Variants in PNPLA6 observed in about 807,000 individuals in gnomAD.
PNPLA6 encodes the protein patatin like domain 6, lysophospholipase, also known as patatin-like phospholipase domain-containing protein 6.
In PNPLA6, 105 loss-of-function variants were observed where a neutral mutation model predicts 153.7. The ratio of observed to expected loss-of-function variants is 0.68; its 90% CI spans 0.58 to 0.80. The LOEUF (loss-of-function observed/expected upper bound fraction) is 0.80, where lower values mean the gene tolerates loss of function less well. Ranked by LOEUF, PNPLA6 falls within the 30% of genes least tolerant of loss-of-function variation. The pLI is 0.00. For missense variants in PNPLA6, 1,423 were observed against 1,919.3 expected (o/e 0.74, Z 4.83); for synonymous variants, 825 against 822.2 (o/e 1.00, Z -0.06).
Position 7,555,648 on chromosome 19 carries a change from C to CG in PNPLA6, c.2983dup (p.Val995GlyfsTer63). On this transcript the variant is annotated frameshift_variant, in exon 24 of 32. Coordinates refer to ENST00000600737, the MANE Select transcript of PNPLA6 (RefSeq NM_001166114.2). LOFTEE classifies it high-confidence loss of function. The surrounding 1 kb of genome is among the most constrained non-coding windows in gnomAD (Gnocchi z 6.3). ...GGAGTACTAAAGGCATTAGAGGAGG[C>CG]GGGGGTCCCCGTGGACCTGGTGGGC... is the stretch of plus-strand genomic sequence containing the variant. 6.2e-7 allele frequency: 1 copy of CG among 1,612,886 alleles called. No individual in the cohort carries two copies. The highest frequency in any genetic ancestry group is 8.5e-7 in the Non-Finnish European group (1 of 1,179,796).
intron 28 of PNPLA6, among the ~76,000 whole-genome samples, chr19:7,560,186 A>T (rs191560909): frequency 1.2e-3 from 179 of 152,226 alleles, no homozygotes; most frequent in African/African-American, 3.6e-3. Context: ...AATAATAAAA[A>T]TTTTTTTAAA....
upstream of PNPLA6, chr19:7,535,701 C>A: frequency 2.0e-6 from 3 of 1,524,076 alleles, no homozygotes; most frequent in Non-Finnish European, 2.6e-6. This position sits in a 1 kb window ranked among gnomAD's most constrained non-coding sequence, Gnocchi z 5.0. Context: ...TCGGGCGGAA[C>A]TACGTTTCCC....
At chr19:7,557,577 A>G (rs992078989) in intron 27 of PNPLA6, 35 of 430,936 alleles carry the variant, frequency 8.1e-5, no homozygotes, top group African/African-American at 6.9e-4. Context: ...TGAGGTCAGG[A>G]GTTTGAGACC....
upstream of PNPLA6, chr19:7,535,618 G>A (rs74956393): frequency 8.4e-3 from 13,301 of 1,588,028 alleles, 1,063 homozygotes; most frequent in Admixed American, 0.17. This position sits in a 1 kb window ranked among gnomAD's most constrained non-coding sequence, Gnocchi z 5.0. Flanking sequence ...CCGGCGTGGG[G>A]CGCCAAGAGG....
Position 7,536,004 on chromosome 19 carries a change from G to A in PNPLA6, c.216G>A (p.Arg72=), listed in dbSNP as rs745769028. The A allele has an allele frequency of 2.5e-6, 4 of 1,576,628 alleles. No homozygotes were observed. The highest frequency in any genetic ancestry group is 4.6e-5 in the East Asian group (2 of 43,348). ...CCGTGCTCATCCTCCTGGTGGTGCG[G>A]AGGCTGCGAGTGCCAAGTGAGCACC... ...VTAVLILLVV[R]RLRVPKTPAP... is the part of the protein sequence containing the mutation. The change falls in exon 1 of 32, where the codon CGG becomes CGA. Residue 72 remains arginine, a synonymous_variant. Transcript: ENST00000600737.
rs772945774 is a variant in PNPLA6, at chr19:7,554,323, C to A, written c.2465+51C>A. On this transcript the variant is annotated intron_variant, in intron 20 of 31. Coordinates refer to ENST00000600737, the MANE Select transcript of PNPLA6 (RefSeq NM_001166114.2). ...AGGGTGGTGGGTGGGCCTGGAGCCT[C>A]AAATTCTTTCAGACCTGAGTTCAAG... 5 of 1,523,570 alleles carry A rather than the reference C, an allele frequency of 3.3e-6. No individual in the cohort carries two copies. In the South Asian group the frequency reaches 5.6e-5, roughly 17 times the overall value. The allele number at this position is 1,523,570 out of a possible 1,614,324, so 94.4% of individuals were successfully genotyped here.
At chr19:7,534,228 T>G, upstream of PNPLA6, 1 of 324,242 alleles carries the variant, frequency 3.1e-6, no homozygotes, top group Non-Finnish European at 5.9e-6. Flanking sequence ...GGACCCCGGC[T>G]GCGGCCCCTG....
Position 7,541,472 on chromosome 19 carries a change from G to A in PNPLA6, c.1005+38G>A. 1 of 1,612,172 alleles carries A rather than the reference G, an allele frequency of 6.2e-7. No homozygotes were observed. The highest frequency in any genetic ancestry group is 1.7e-5 in the Admixed American group (1 of 59,940). On this transcript the variant is annotated intron_variant, in intron 8 of 31. Coordinates refer to ENST00000600737, the MANE Select transcript of PNPLA6 (RefSeq NM_001166114.2). The surrounding 1 kb of genome is among the most constrained non-coding windows in gnomAD (Gnocchi z 5.2). ...CGGGGAGCGAGCACAGGGGGGATGG[G>A]GGCGAGGTCTCCCTCCCAGGACAGG...
chr19:7,555,437 G>A lies in PNPLA6; in HGVS notation c.2936+70G>A. ...AGGGTGGAGCTTCCTGGGAGAAACC[G>A]TGGGGGCGGGGCCTGGGTGTTCGAG... On this transcript the variant is annotated intron_variant, in intron 23 of 31. Coordinates refer to ENST00000600737, the MANE Select transcript of PNPLA6 (RefSeq NM_001166114.2). This position sits in a 1 kb window ranked among gnomAD's most constrained non-coding sequence, Gnocchi z 6.3. The A allele has an allele frequency of 7.5e-7, 1 of 1,341,702 alleles. No homozygotes were observed. Among genetic ancestry groups the A allele is most frequent in the Non-Finnish European group, 1.0e-6 (1 of 969,444 alleles). The allele number at this position is 1,341,702 out of a possible 1,614,324, so 83.1% of individuals were successfully genotyped here.
chr19:7,542,789 C>A lies in PNPLA6; in HGVS notation c.1391C>A (p.Pro464Gln). ...RTPTQEPREQ[P>Q]AGACEYSYCE... ...CCCACTCAGGAGCCTCGTGAGCAGC[C>A]GGCAGGCGCCTGTGAATACAGCTAC... The change falls in exon 12 of 32, where the codon CCG becomes CAG. Residue 464 changes from proline to glutamine, a missense_variant. Transcript: ENST00000600737. 1 of 1,613,040 alleles carries A rather than the reference C, an allele frequency of 6.2e-7. No homozygotes were observed. The highest frequency in any genetic ancestry group is 8.5e-7 in the Non-Finnish European group (1 of 1,179,954).
Position 7,540,790 on chromosome 19 carries a change from TCC to T in PNPLA6, c.795+83_795+84del. On this transcript the variant is annotated intron_variant, in intron 6 of 31. Coordinates refer to ENST00000600737, the MANE Select transcript of PNPLA6 (RefSeq NM_001166114.2). This position sits in a 1 kb window ranked among gnomAD's most constrained non-coding sequence, Gnocchi z 6.8. ...GACTAGGTTGAAGGAAATCACAGGGTCCCCAATCTCTGGTTCATCCGTTATGC... is the reference window on the plus strand; with the variant it reads ...GACTAGGTTGAAGGAAATCACAGGGTCCAATCTCTGGTTCATCCGTTATGC... 1 of 1,541,396 alleles carries T rather than the reference TCC, an allele frequency of 6.5e-7. No individual in the cohort carries two copies.
intron 28 of PNPLA6, 152 bp from the exon 29 acceptor site, chr19:7,560,496 T>G (rs1599316155): frequency 1.4e-6 from 1 of 699,452 alleles, no homozygotes; most frequent in Non-Finnish European, 2.6e-6. Flanking sequence ...TGTAGGCGAG[T>G]GTGCTATGTG....
intron 17 of PNPLA6, 123 bp from the exon 18 acceptor site, chr19:7,551,238 CG>C (rs986862455): frequency 8.4e-6 from 4 of 474,380 alleles, no homozygotes; most frequent in Non-Finnish European, 1.5e-5. Flanking sequence ...AGAGTGAGGG[CG>C]GGGGCTCTCG....
At chr19:7,550,847 A>G (rs1708927582) in intron 16 of PNPLA6, 147 bp from the exon 17 acceptor site, 2 of 889,096 alleles carry the variant, frequency 2.2e-6, no homozygotes, top group Non-Finnish European at 3.5e-6. Context: ...CTCTCCCCAG[A>G]GCTCTAATGG....
At chr19:7,551,887 C>T (rs952854592) in intron 18 of PNPLA6, among the ~76,000 whole-genome samples, 1 of 151,660 alleles carries the variant, frequency 6.6e-6, no homozygotes, top group Non-Finnish European at 1.5e-5. Flanking sequence ...ATCGCTTGAG[C>T]CCAGGAGATT....
Position 7,536,290 on chromosome 19 carries a change from T to G in PNPLA6, c.315+17T>G. 1.9e-6 allele frequency: 3 copies of G among 1,592,882 alleles called. No homozygotes were observed. Among genetic ancestry groups the G allele is most frequent in the Non-Finnish European group, 2.6e-6 (3 of 1,160,752 alleles). On this transcript the variant is annotated intron_variant, in intron 2 of 31. Transcript: ENST00000600737. ...ATGCGGAAGGTGAGTCCGGGACCCCTGGGGTCCGCCCTGACCACACAGAGG... is the reference window on the plus strand; with the variant it reads ...ATGCGGAAGGTGAGTCCGGGACCCCGGGGGTCCGCCCTGACCACACAGAGG...
chr19:7,537,587 G>A (rs935992298), intron 3 of PNPLA6, among the ~76,000 whole-genome samples: 12 of 152,162 alleles, frequency 7.9e-5, no homozygotes, highest in Middle Eastern at 3.2e-3. Flanking sequence ...CTTCACACCA[G>A]GGCAGGGCTC....
Position 7,536,276 on chromosome 19 carries a change from G to A in PNPLA6, c.315+3G>A, listed in dbSNP as rs1201868670. 6.2e-7 allele frequency: 1 copy of A among 1,611,804 alleles called. No individual in the cohort carries two copies. Among genetic ancestry groups the A allele is most frequent in the South Asian group, 1.1e-5 (1 of 91,056 alleles). The stretch of plus-strand genomic sequence containing the variant: ...ATGGCCGGAAGATTATGCGGAAGGT[G>A]AGTCCGGGACCCCTGGGGTCCGCCC... On this transcript the variant is annotated splice_donor_region_variant and intron_variant, in intron 2 of 31. Coordinates refer to ENST00000600737, the MANE Select transcript of PNPLA6 (RefSeq NM_001166114.2).
Position 7,541,555 on chromosome 19 carries a change from G to A in PNPLA6, c.1039G>A (p.Gly347Ser), listed in dbSNP as rs760573469. The A allele has an allele frequency of 2.7e-5, 44 of 1,602,364 alleles. No homozygotes were observed. In the East Asian group the frequency reaches 6.1e-4, roughly 22 times the overall value. The change falls in exon 9 of 32, where the codon GGC (glycine) becomes AGC (serine). Residue 347 changes from glycine (G) to serine (S), a missense_variant. Coordinates refer to ENST00000600737, the MANE Select transcript of PNPLA6 (RefSeq NM_001166114.2). This position sits in a 1 kb window ranked among gnomAD's most constrained non-coding sequence, Gnocchi z 5.2. ...GCCCCTGCGTCTGTTCCCCAGCCCC[G>A]GCCTCCCAACTCGCACCAGCCCTGT... ...IQPLRLFPSP[G>S]LPTRTSPVRG...
Sources: gnomAD v4.1 joint callset for allele counts (sites outside exome capture counted in the v4.1 genomes callset) on GRCh38, gnomAD v4.1.1 for gene constraint, Gnocchi (gnomAD v3.1) non-coding constraint, MANE v1.5 for transcripts, NCBI Gene and HGNC (gene_info 2026-07-23, HGNC 2026-07-21) for gene names.